Variants in HRH1 observed in about 807,000 individuals in gnomAD.
HRH1 encodes histamine receptor H1, also known as histamine H1 receptor.
HRH1 carries 6 observed loss-of-function variants against 10.3 expected under a neutral mutation model. The observed-to-expected ratio is 0.58, with a 90% CI of 0.32 to 1.15. The LOEUF is 1.15. Ranked by LOEUF, HRH1 falls within the 50% of genes most tolerant of loss-of-function variation. HRH1 has a pLI of 0.05. For missense variants in HRH1, 514 were observed against 615.3 expected (o/e 0.84, Z 1.74); for synonymous variants, 242 against 236.7 (o/e 1.02, Z -0.21).
At chr3:11,183,829 G>A (rs1286402833) in intron 1 of HRH1, among the ~76,000 whole-genome samples, 1 of 140,020 alleles carries the variant, frequency 7.1e-6, no homozygotes, top group African/African-American at 2.7e-5. Flanking sequence ...ATAAGCTTGT[G>A]ATGAAACCCA....
intron 1 of HRH1, among the ~76,000 whole-genome samples, chr3:11,243,209 C>G (rs537684462): frequency 6.6e-6 from 1 of 152,170 alleles, no homozygotes; most frequent in East Asian, 1.9e-4. Flanking sequence ...CCCCTGCGCC[C>G]GACCCTGGGT....
intron 1 of HRH1, among the ~76,000 whole-genome samples, chr3:11,241,704 C>T (rs1458808510): frequency 1.3e-5 from 2 of 151,928 alleles, no homozygotes; most frequent in Admixed American, 1.3e-4. Context: ...GGTGTGGTAG[C>T]GGGCGCCTGT....
At chr3:11,206,983 G>T (rs925102256) in intron 1 of HRH1, among the ~76,000 whole-genome samples, 2 of 152,162 alleles carry the variant, frequency 1.3e-5, no homozygotes. Flanking sequence ...AGTCAAGGAA[G>T]GAGGGATTAC....
chr3:11,169,483 C>G (rs867984361), intron 1 of HRH1, among the ~76,000 whole-genome samples: 1 of 152,118 alleles, frequency 6.6e-6, no homozygotes, highest in African/African-American at 2.4e-5. Flanking sequence ...TTATCCAGCT[C>G]ACTATAACAG....
intron 1 of HRH1, among the ~76,000 whole-genome samples, chr3:11,164,500 A>G (rs538591173): frequency 2.0e-5 from 3 of 149,068 alleles, no homozygotes; most frequent in African/African-American, 7.7e-5. Flanking sequence ...TCCTTGAGAG[A>G]TGGAAATTGA....
At chr3:11,176,688 T>C (rs1050023478) in intron 1 of HRH1, among the ~76,000 whole-genome samples, 1 of 152,236 alleles carries the variant, frequency 6.6e-6, no homozygotes, top group African/African-American at 2.4e-5. Flanking sequence ...TAATGATTAC[T>C]GCACATCTCC....
At chr3:11,157,805 A>G (rs911526107) in intron 1 of HRH1, among the ~76,000 whole-genome samples, 1 of 152,236 alleles carries the variant, frequency 6.6e-6, no homozygotes, top group Admixed American at 6.5e-5. Flanking sequence ...TCACATCCCA[A>G]CAGAGGAATG....
chr3:11,238,983 C>G (rs886649855), intron 1 of HRH1, among the ~76,000 whole-genome samples: 3 of 152,196 alleles, frequency 2.0e-5, no homozygotes, highest in Non-Finnish European at 4.4e-5. Context: ...TATCTGCATA[C>G]AAGTTTTTCT....
chr3:11,259,233 A>T lies in HRH1; in HGVS notation c.196A>T (p.Ile66Phe). 6.2e-7 allele frequency: 1 copy of T among 1,610,582 alleles called. No homozygotes were observed. Among genetic ancestry groups the T allele is most frequent in the Middle Eastern group, 1.7e-4 (1 of 6,060 alleles). ...GCTCCACACTGTGGGGAACCTGTAC[A>T]TCGTCAGCCTCTCGGTGGCGGACTT... ...RKLHTVGNLY[I>F]VSLSVADLIV... Residue 66 changes from isoleucine to phenylalanine, a missense_variant, in exon 2 of 2, where the codon ATC (isoleucine) becomes TTC (phenylalanine). Coordinates refer to ENST00000431010, the MANE Select transcript of HRH1 (RefSeq NM_001098212.2). This position sits in a 1 kb window ranked among gnomAD's most constrained non-coding sequence, Gnocchi z 4.6.
At chr3:11,195,536 A>G (rs1171792461) in intron 1 of HRH1, among the ~76,000 whole-genome samples, 1 of 152,196 alleles carries the variant, frequency 6.6e-6, no homozygotes, top group Non-Finnish European at 1.5e-5. Context: ...CTGAAGCTCG[A>G]GGGTCTACGT....
At chr3:11,257,837 A>G (rs1939822621) in intron 1 of HRH1, among the ~76,000 whole-genome samples, 1 of 152,144 alleles carries the variant, frequency 6.6e-6, no homozygotes, top group Non-Finnish European at 1.5e-5. Context: ...CATTGTAAAG[A>G]CAGGATTCCA....
intron 1 of HRH1, among the ~76,000 whole-genome samples, chr3:11,166,624 T>G (rs1937038602): frequency 6.7e-6 from 1 of 148,744 alleles, no homozygotes; most frequent in Non-Finnish European, 1.5e-5. Flanking sequence ...GCCCATGACA[T>G]CTGCTGTCCC....
chr3:11,257,145 C>T (rs4684769), intron 1 of HRH1, among the ~76,000 whole-genome samples: 32,943 of 149,488 alleles, frequency 0.22, 4,233 homozygotes, highest in South Asian at 0.35. Flanking sequence ...TGTAGCTACT[C>T]GGGAGGCTAA....
intron 1 of HRH1, among the ~76,000 whole-genome samples, chr3:11,224,864 G>T (rs1450845263): frequency 6.6e-6 from 1 of 152,132 alleles, no homozygotes; most frequent in Non-Finnish European, 1.5e-5. Flanking sequence ...GGTTGCTGTG[G>T]GGATTGAATG....
At chr3:11,218,306 G>C (rs1273959225) in intron 1 of HRH1, among the ~76,000 whole-genome samples, 1 of 151,986 alleles carries the variant, frequency 6.6e-6, no homozygotes, top group Admixed American at 6.6e-5. Flanking sequence ...AAATTAGCCA[G>C]GCGTGGTGGC....
chr3:11,147,268 TTGA>T (rs1423035551), intron 1 of HRH1, among the ~76,000 whole-genome samples: 1 of 152,180 alleles, frequency 6.6e-6, no homozygotes, highest in Non-Finnish European at 1.5e-5. Flanking sequence ...GAGTAGGGAC[TTGA>T]TGAAGATTTG....
chr3:11,211,398 G>A (rs1189885637), intron 1 of HRH1, among the ~76,000 whole-genome samples: 4 of 152,322 alleles, frequency 2.6e-5, no homozygotes, highest in Non-Finnish European at 5.9e-5. Flanking sequence ...ATAGATGTAG[G>A]ACCCTTTTGT....
At chr3:11,241,117 T>G (rs535680058) in intron 1 of HRH1, among the ~76,000 whole-genome samples, 2 of 152,338 alleles carry the variant, frequency 1.3e-5, no homozygotes, top group East Asian at 3.9e-4. Context: ...TTTTCCCTAT[T>G]ATAAAATAAA....
chr3:11,216,410 C>T (rs1213646993), intron 1 of HRH1, among the ~76,000 whole-genome samples: 3 of 152,070 alleles, frequency 2.0e-5, no homozygotes, highest in Admixed American at 6.6e-5. Flanking sequence ...CAAAATGTGG[C>T]GTATTCATAC....
Sources: allele counts gnomAD v4.1 joint callset (sites outside exome capture counted in the v4.1 genomes callset), GRCh38; gene constraint gnomAD v4.1.1; non-coding constraint Gnocchi (gnomAD v3.1); transcripts MANE v1.5; gene names NCBI Gene and HGNC (gene_info 2026-07-23, HGNC 2026-07-21).